EYA2: variants seen among roughly 807,000 people sequenced by gnomAD.
The protein encoded by EYA2 is EYA transcriptional coactivator and phosphatase 2, also known as protein phosphatase EYA2.
Under a neutral mutation model 69.2 loss-of-function variants are expected in EYA2, and 31 were observed. The ratio of observed to expected loss-of-function variants is 0.45; its 90% confidence interval spans 0.34 to 0.60. EYA2 has a LOEUF of 0.60. EYA2 is among the 20% of genes least tolerant of loss of function. The pLI, the probability that EYA2 is intolerant of heterozygous loss-of-function variation, is 0.02. For missense variants in EYA2, 622 were observed against 701.2 expected, an observed-to-expected ratio of 0.89 and a Z score of 1.28; for synonymous variants, 257 against 279.4, an observed-to-expected ratio of 0.92 and a Z score of 0.80.
intron 1 of EYA2, among the ~76,000 whole-genome samples, chr20:46,967,928 G>A (rs1469092817): frequency 6.6e-6 from 1 of 152,204 alleles, no homozygotes; most frequent in Non-Finnish European, 1.5e-5. Context: ...ACAGAAGCTC[G>A]ATCTTATCTG....
intron 9 of EYA2, among the ~76,000 whole-genome samples, chr20:47,125,290 C>T (rs539194140): frequency 6.6e-6 from 1 of 151,934 alleles, no homozygotes; most frequent in Admixed American, 6.6e-5. Context: ...CTCCTGACCT[C>T]GTGATCCGCC....
In EYA2 at chr20:47,011,552, G is replaced by A. The variant is rs540128121; in HGVS notation, c.299-4629G>A. ...CTCCAGCCTCACTGGCCTCCTTGCT[G>A]TTAGTTCATCCAACATACCAAGTAC... On this transcript the variant is annotated intron_variant, in intron 4 of 15. Transcript: ENST00000327619. Among the ~76,000 whole-genome samples, 5 of 152,222 alleles carry A rather than the reference G, an allele frequency of 3.3e-5. No individual in the cohort carries two copies. In the East Asian group the frequency reaches 7.7e-4, roughly 24 times the overall value.
chr20:47,174,796 G>A (rs559149003), intron 12 of EYA2, among the ~76,000 whole-genome samples: 308 of 152,298 alleles, frequency 2.0e-3, no homozygotes, highest in African/African-American at 7.2e-3. Context: ...CCTGCCCAGC[G>A]TCACACAGCC....
chr20:47,154,819 TTGTGTGTGTGTGTGTGTG>T (rs11472542), intron 10 of EYA2, among the ~76,000 whole-genome samples: 7 of 140,886 alleles, frequency 5.0e-5, no homozygotes, highest in South Asian at 2.5e-4. Flanking sequence ...TTATTTTGTT[TTGTGTGTGTGTGTGTGTG>T]TGTGTGTGTG....
At chr20:47,018,001 G>T (rs796538797) in intron 5 of EYA2, among the ~76,000 whole-genome samples, 8 of 152,286 alleles carry the variant, frequency 5.3e-5, no homozygotes, top group African/African-American at 1.7e-4. Context: ...TGTGTCCCCA[G>T]TCGGGCCTTT....
At chr20:47,178,194 G>A (rs1421386796) in intron 12 of EYA2, among the ~76,000 whole-genome samples, 1 of 152,086 alleles carries the variant, frequency 6.6e-6, no homozygotes, top group African/African-American at 2.4e-5. Context: ...CGGACATGGT[G>A]GCAGGCATCT....
intron 1 of EYA2, among the ~76,000 whole-genome samples, chr20:46,933,452 T>G (rs974482040): frequency 1.2e-4 from 18 of 152,200 alleles, no homozygotes; most frequent in Non-Finnish European, 2.1e-4. Context: ...AGGTGGGTTC[T>G]TACTTCACAG....
In EYA2 at chr20:46,971,338, T is replaced by C. The variant is rs1385613463; in HGVS notation, c.-10-18663T>C. 2.6e-5 allele frequency among the ~76,000 whole-genome samples: 4 copies of C among 152,344 alleles called. No individual in the cohort carries two copies. In the East Asian group the frequency reaches 7.7e-4, roughly 29 times the overall value. ...TCCTTTCAACTTGTTTCCTCATCCT[T>C]AAGGTGCTGCTCTTTTCCTCATTGT... On this transcript the variant is annotated intron_variant, in intron 1 of 15. Transcript: ENST00000327619.
At chr20:47,047,605 T>C (rs967687004) in intron 5 of EYA2, among the ~76,000 whole-genome samples, 1 of 152,182 alleles carries the variant, frequency 6.6e-6, no homozygotes, top group Non-Finnish European at 1.5e-5. Flanking sequence ...CAGGCTGGTC[T>C]TGAACACCTG....
chr20:47,026,861 G>A (rs1286494157), intron 5 of EYA2, among the ~76,000 whole-genome samples: 1 of 152,216 alleles, frequency 6.6e-6, no homozygotes, highest in East Asian at 1.9e-4. Context: ...ATTTTTCAAA[G>A]TGATCCCTAA....
At chr20:47,124,909 G>T (rs989769688) in intron 9 of EYA2, among the ~76,000 whole-genome samples, 6 of 151,580 alleles carry the variant, frequency 4.0e-5, no homozygotes, top group Non-Finnish European at 1.5e-5. Context: ...CTGAATAGTT[G>T]CACAAAACCC....
intron 5 of EYA2, among the ~76,000 whole-genome samples, chr20:47,036,550 A>T (rs1984724782): frequency 6.6e-6 from 1 of 152,178 alleles, no homozygotes; most frequent in Non-Finnish European, 1.5e-5. Context: ...TCTTGATAAT[A>T]GTGTTTTTAA....
intron 5 of EYA2, among the ~76,000 whole-genome samples, chr20:47,024,371 A>G (rs766711178): frequency 6.6e-6 from 1 of 152,204 alleles, no homozygotes; most frequent in African/African-American, 2.4e-5. Flanking sequence ...CCAATGCCCC[A>G]TGAATTGTGA....
chr20:47,031,562 C>T (rs1465320502), intron 5 of EYA2, among the ~76,000 whole-genome samples: 2 of 152,222 alleles, frequency 1.3e-5, no homozygotes, highest in Non-Finnish European at 2.9e-5. Flanking sequence ...CAATGCCTGC[C>T]AGATCTCAGT....
At chr20:47,019,056 G>C (rs1481548147) in intron 5 of EYA2, among the ~76,000 whole-genome samples, 2 of 152,174 alleles carry the variant, frequency 1.3e-5, no homozygotes, top group African/African-American at 4.8e-5. Context: ...ACTTACCCAA[G>C]GTCACACGGC....
At chr20:47,081,891 G>A (rs1006209874) in intron 7 of EYA2, among the ~76,000 whole-genome samples, 3 of 151,816 alleles carry the variant, frequency 2.0e-5, no homozygotes, top group African/African-American at 7.3e-5. Context: ...CCAGGCTGGA[G>A]TGCGATGGTG....
At chr20:46,968,714 A>G (rs1979941700) in intron 1 of EYA2, among the ~76,000 whole-genome samples, 1 of 152,026 alleles carries the variant, frequency 6.6e-6, no homozygotes, top group Non-Finnish European at 1.5e-5. Context: ...CACCCTCCCC[A>G]TTGGTGATAA....
At chr20:46,977,544 A>G (rs1980537790) in intron 1 of EYA2, among the ~76,000 whole-genome samples, 1 of 152,224 alleles carries the variant, frequency 6.6e-6, no homozygotes, top group Admixed American at 6.5e-5. Context: ...GGACAGGGGA[A>G]GGGGAGGAAA....
chr20:47,027,399 G>T (rs1234192501), intron 5 of EYA2, among the ~76,000 whole-genome samples: 2 of 152,188 alleles, frequency 1.3e-5, no homozygotes, highest in East Asian at 3.9e-4. Flanking sequence ...TGCACACAAT[G>T]AAGTGGGTGA....
Sources: allele counts gnomAD v4.1 joint callset (sites outside exome capture counted in the v4.1 genomes callset), GRCh38; gene constraint gnomAD v4.1.1; transcripts MANE v1.5; gene names NCBI Gene and HGNC (gene_info 2026-07-23, HGNC 2026-07-21).